The following BCL9L variants were observed in gnomAD, a reference collection of about 807,000 sequenced individuals.
BCL9L encodes the protein BCL9 like.
BCL9L carries 19 observed loss-of-function variants against 99.4 expected under a neutral mutation model. The ratio of observed to expected loss-of-function variants is 0.19; its 90% CI spans 0.13 to 0.28. The LOEUF (loss-of-function observed/expected upper bound fraction) is 0.28. Among genes scored for constraint, BCL9L ranks in the 10% least tolerant of loss-of-function variants. The pLI is 1.00. For synonymous variants in BCL9L, 900 were observed against 854.8 expected (o/e 1.05, Z -0.92); for missense variants, 2,023 against 2,101.6 (o/e 0.96, Z 0.73).
chr11:118,918,941 A>G (rs1752532231), intron 1 of BCL9L, 62 bp from the exon 2 acceptor site: 1 of 151,498 alleles, frequency 6.6e-6, no homozygotes, highest in Admixed American at 6.6e-5. Context: ...CGCTCCTCCC[A>G]TCACCCCAGC....
Position 118,896,923 on chromosome 11 carries a change from C to T in BCL9L, c.*1492G>A, listed in dbSNP as rs1256702764. 2 of 152,722 alleles carry T rather than the reference C, an allele frequency of 1.3e-5. No individual in the cohort carries two copies. Among genetic ancestry groups the T allele is most frequent in the Admixed American group, 6.5e-5 (1 of 15,288 alleles). The allele number at this position is 152,722 out of a possible 1,614,324, so 9.5% of individuals were successfully genotyped here. A position where few individuals can be genotyped will look rare whatever the true frequency, so the allele number is the denominator to read the frequency against. On this transcript the variant is annotated 3_prime_UTR_variant, in exon 10 of 10. Transcript: ENST00000683865. The stretch of plus-strand genomic sequence containing the variant: ...TGGGGCCAAAGTAGGGGGACAAACA[C>T]CCAGTCGTATATGGCTTCAGCTCTG...
Position 118,898,249 on chromosome 11 carries a change from A to T in BCL9L, c.*166T>A. The T allele has an allele frequency of 1.0e-6, 1 of 1,003,014 alleles. No homozygotes were observed. Among genetic ancestry groups the T allele is most frequent in the Non-Finnish European group, 1.4e-6 (1 of 707,990 alleles). 62.1% of individuals were successfully genotyped at this position (1,003,014 alleles called of 1,614,324 possible). A position where few individuals can be genotyped will look rare whatever the true frequency, so the allele number is the denominator to read the frequency against. ...CACCCCACACTGCCACTTCCCCCTA[A>T]GCTGCCAGCACATCTGGTTTCCACA... On this transcript the variant is annotated 3_prime_UTR_variant, in exon 10 of 10. Coordinates refer to ENST00000683865, the MANE Select transcript of BCL9L (RefSeq NM_001378213.1).
rs919619776 is a variant in BCL9L at position 118,902,454 on chromosome 11, A to T, written c.1289T>A (p.Phe430Tyr). ...LLLRSGETEP[F>Y]LKGPPGGAGE... ...CGCTCCTCCTGGGGGCCCCTTGAGG[A>T]AGGGCTCAGTCTCTCCGCTGCGGAG... The change falls in exon 8 of 10, where the codon TTC (phenylalanine) becomes TAC (tyrosine). Residue 430 changes from phenylalanine (F) to tyrosine (Y), a missense_variant. By Grantham distance (22) the Phe-to-Tyr change is conservative. Around this residue, in one of 3 missense-constraint regions of BCL9L, gnomAD observed 1,116 missense variants for 1,194.6 expected, o/e 0.93. Coordinates refer to ENST00000683865, the MANE Select transcript of BCL9L (RefSeq NM_001378213.1). The surrounding 1 kb of genome is among the most constrained non-coding windows in gnomAD (Gnocchi z 7.8). The T allele has an allele frequency of 1.9e-6, 3 of 1,600,794 alleles. No homozygotes were observed. Among genetic ancestry groups the T allele is most frequent in the African/African-American group, 1.3e-5 (1 of 74,504 alleles).
chr11:118,898,563 T>C lies in BCL9L; in HGVS notation c.4352A>G (p.His1451Arg). The C allele has an allele frequency of 6.2e-7, 1 of 1,608,502 alleles. No homozygotes were observed. The highest frequency in any genetic ancestry group is 8.5e-7 in the Non-Finnish European group (1 of 1,177,434). The change falls in exon 10 of 10, where the codon CAC (histidine) becomes CGC (arginine). Residue 1451 changes from histidine (H) to arginine (R), a missense_variant. Around this residue, in one of 3 missense-constraint regions of BCL9L, gnomAD observed 902 missense variants for 888.2 expected, o/e 1.02. Transcript: ENST00000683865. ...VGGEVYSQPP[H>R]MLSPQGSLMG... is the part of the protein sequence containing the mutation. Reference sequence around the variant, plus strand: ...GAGGGAGCCCTGCGGGGAGAGCATGTGGGGCGGCTGGCTGTAGACCTCGCC... The same window carrying C: ...GAGGGAGCCCTGCGGGGAGAGCATGCGGGGCGGCTGGCTGTAGACCTCGCC...
intron 5 of BCL9L, among the ~76,000 whole-genome samples, chr11:118,905,988 C>T (rs1051513820): frequency 1.3e-5 from 2 of 152,048 alleles, no homozygotes; most frequent in Non-Finnish European, 2.9e-5. Context: ...GCATGAGGAT[C>T]GCTTGAGACC....
intron 5 of BCL9L, among the ~76,000 whole-genome samples, chr11:118,905,941 G>C (rs912366161): frequency 6.6e-6 from 1 of 152,202 alleles, no homozygotes; most frequent in Non-Finnish European, 1.5e-5. Flanking sequence ...AGGCACAGTG[G>C]CTCACTCCTG....
At chr11:118,912,274 G>A (rs958312079) in intron 2 of BCL9L, among the ~76,000 whole-genome samples, 8 of 152,232 alleles carry the variant, frequency 5.3e-5, no homozygotes, top group Admixed American at 3.9e-4. Flanking sequence ...ACCAGGCCAG[G>A]GGCCCTTGAG....
chr11:118,897,991 G>A lies in BCL9L; in HGVS notation c.*424C>T. 2.4e-6 allele frequency: 1 copy of A among 420,470 alleles called. No individual in the cohort carries two copies. Among genetic ancestry groups the A allele is most frequent in the Admixed American group, 3.0e-5 (1 of 33,756 alleles). The allele number at this position is 420,470 out of a possible 1,614,324, so 26.0% of individuals were successfully genotyped here. On this transcript the variant is annotated 3_prime_UTR_variant, in exon 10 of 10. Transcript: ENST00000683865. The stretch of plus-strand genomic sequence containing the variant: ...AAACCAAGAGGGAGGTGGAGCTCCA[G>A]CAATGCGGACACGAGGAGACAGGAG...
intron 2 of BCL9L, chr11:118,910,461 G>A (rs1940733878): frequency 6.3e-6 from 1 of 158,164 alleles, no homozygotes; most frequent in African/African-American, 2.4e-5. Context: ...CCAGCTCGAG[G>A]CCTAGCCCGT....
At chr11:118,907,247 G>T (rs1488681984) in intron 5 of BCL9L, among the ~76,000 whole-genome samples, 2 of 152,072 alleles carry the variant, frequency 1.3e-5, no homozygotes, top group Non-Finnish European at 1.5e-5. Flanking sequence ...ACGTGACCAA[G>T]AAGGAGGCCA....
rs1056843471 is a variant in BCL9L at position 118,922,249 on chromosome 11, C to G, written c.-131+2989G>C. Among the ~76,000 whole-genome samples, 12 of 152,212 alleles carry G rather than the reference C, an allele frequency of 7.9e-5. No individual in the cohort carries two copies. The highest frequency in any genetic ancestry group is 1.2e-4 in the Non-Finnish European group (8 of 68,018). Reference sequence around the variant, plus strand: ...AATTCCAGGCTGTAAGTCCAGGCAGCCTTCAGGGCCGCCGAGCCAAGTGAC... The same window carrying G: ...AATTCCAGGCTGTAAGTCCAGGCAGGCTTCAGGGCCGCCGAGCCAAGTGAC... On this transcript the variant is annotated intron_variant, in intron 1 of 9. Coordinates refer to ENST00000683865, the MANE Select transcript of BCL9L (RefSeq NM_001378213.1). The surrounding 1 kb of genome is among the most constrained non-coding windows in gnomAD (Gnocchi z 6.2).
rs577620512 is a variant in BCL9L, at chr11:118,897,778, T to C, written c.*637A>G. On this transcript the variant is annotated 3_prime_UTR_variant, in exon 10 of 10. Coordinates refer to ENST00000683865, the MANE Select transcript of BCL9L (RefSeq NM_001378213.1). ...TATCCTTTTTTTTTTGTGTGACTTC[T>C]ATCAAAACACAGAAATACAGCACAC... The C allele has an allele frequency of 2.2e-6, 1 of 454,806 alleles. No homozygotes were observed. The highest frequency in any genetic ancestry group is 7.0e-5 in the East Asian group (1 of 14,372). 28.2% of individuals were successfully genotyped at this position (454,806 alleles called of 1,614,324 possible).
rs1941263000 is a variant in BCL9L at position 118,925,749 on chromosome 11, G to T, written c.-642C>A. 1 of 150,442 alleles carries T rather than the reference G, an allele frequency of 6.6e-6. No homozygotes were observed. Among genetic ancestry groups the T allele is most frequent in the South Asian group, 2.0e-4 (1 of 4,920 alleles). 9.3% of individuals were successfully genotyped at this position (150,442 alleles called of 1,614,324 possible). A position where few individuals can be genotyped will look rare whatever the true frequency, so the allele number is the denominator to read the frequency against. ...AGCCCCCGGGCGGCGCGGCGCCGGG[G>T]GACCCAGGCGTGCGGGCGTCCGGCC... On this transcript the variant is annotated 5_prime_UTR_variant, in exon 1 of 10. Transcript: ENST00000683865. This position sits in a 1 kb window ranked among gnomAD's most constrained non-coding sequence, Gnocchi z 6.4.
intron 2 of BCL9L, among the ~76,000 whole-genome samples, chr11:118,911,070 G>A (rs1047970073): frequency 6.6e-6 from 1 of 152,182 alleles, no homozygotes; most frequent in Non-Finnish European, 1.5e-5. Flanking sequence ...CAAGAGAGCC[G>A]AAGAAAGTTG....
chr11:118,907,740 A>G, intron 4 of BCL9L, 138 bp from the exon 5 acceptor site: 1 of 1,353,154 alleles, frequency 7.4e-7, no homozygotes, highest in Non-Finnish European at 9.9e-7. Context: ...GCACTTCGCC[A>G]GCCCGTGGCC....
chr11:118,911,219 C>T (rs1260942366), intron 2 of BCL9L: 1 of 455,932 alleles, frequency 2.2e-6, no homozygotes, highest in Admixed American at 2.3e-5. Flanking sequence ...AGCCCTCCAG[C>T]AGCCGATCCC....
At chr11:118,907,659 C>T (rs1940583210) in intron 4 of BCL9L, 57 bp from the exon 5 acceptor site, 3 of 1,596,976 alleles carry the variant, frequency 1.9e-6, no homozygotes, top group Middle Eastern at 1.7e-4. Context: ...TATTCTCCCA[C>T]ACCCAGGGTC....
chr11:118,911,198 C>CGCCCTCCAGCA (rs894266660), intron 2 of BCL9L: 20 of 455,418 alleles, frequency 4.4e-5, no homozygotes, highest in African/African-American at 2.6e-4. Flanking sequence ...CTCCCCTACC[C>CGCCCTCCAGCA]GCCCTCCAGC....
rs577929100 is a variant in BCL9L at position 118,903,168 on chromosome 11, C to T, written c.749+68G>A. ...ACCCTGCCCCTGCACGGGGCTCCCT[C>T]GGAACCCCAGGCTGAGAGGTGCTGG... On this transcript the variant is annotated intron_variant, in intron 6 of 9. Transcript: ENST00000683865. The surrounding 1 kb of genome is among the most constrained non-coding windows in gnomAD (Gnocchi z 5.6). 5.7e-5 allele frequency: 89 copies of T among 1,557,854 alleles called. No individual in the cohort carries two copies. The African/African-American group carries it at 9.2e-4, about 16-fold the overall frequency.
Sources: allele counts gnomAD v4.1 joint callset (sites outside exome capture counted in the v4.1 genomes callset), GRCh38; gene constraint gnomAD v4.1.1; regional missense constraint gnomAD v4.1.1; non-coding constraint Gnocchi (gnomAD v3.1); transcripts MANE v1.5; gene names NCBI Gene and HGNC (gene_info 2026-07-23, HGNC 2026-07-21).